Variants in ROCK2 observed in about 807,000 individuals in gnomAD.
The protein encoded by ROCK2 is rho-associated protein kinase 2.
Under a neutral mutation model 195.1 loss-of-function variants are expected in ROCK2, and 61 were observed. That is an observed-to-expected ratio of 0.31 (90% confidence interval 0.25 to 0.39). ROCK2 has a LOEUF of 0.39. Among genes scored for constraint, ROCK2 ranks in the 10% least tolerant of loss-of-function variants. The pLI, the probability that ROCK2 is intolerant of heterozygous loss-of-function variation, is 1.00. For missense variants in ROCK2, 1,109 were observed against 1,637.4 expected, an observed-to-expected ratio of 0.68 and a Z score of 5.57; for synonymous variants, 504 against 545.5, an observed-to-expected ratio of 0.92 and a Z score of 1.06.
chr2:11,276,833 T>C (rs902719656), intron 3 of ROCK2, among the ~76,000 whole-genome samples: 6 of 152,192 alleles, frequency 3.9e-5, no homozygotes, highest in African/African-American at 7.2e-5. Flanking sequence ...ACAGCAATGA[T>C]AGACGTAACA....
intron 20 of ROCK2, among the ~76,000 whole-genome samples, chr2:11,204,474 C>T (rs1490939237): frequency 1.3e-5 from 2 of 152,072 alleles, no homozygotes; most frequent in Admixed American, 1.3e-4. Flanking sequence ...AGACATTTCT[C>T]CTTCAGCTAG....
At chr2:11,251,994 T>C (rs1384456607) in intron 3 of ROCK2, among the ~76,000 whole-genome samples, 2 of 152,022 alleles carry the variant, frequency 1.3e-5, no homozygotes, top group East Asian at 3.9e-4. Context: ...ATGGCAATCA[T>C]TAAAAAGTCA....
At chr2:11,195,072 A>C in intron 27 of ROCK2, 47 bp from the exon 28 acceptor site, 1 of 1,007,728 alleles carries the variant, frequency 9.9e-7, no homozygotes, top group Non-Finnish European at 1.5e-6. Context: ...AATTCTCCTT[A>C]GATAACAAAG....
At chr2:11,272,789 G>A (rs1447930491) in intron 3 of ROCK2, among the ~76,000 whole-genome samples, 7 of 148,114 alleles carry the variant, frequency 4.7e-5, no homozygotes, top group African/African-American at 1.7e-4. Flanking sequence ...GAAATCACTT[G>A]AACACGGGAG....
intron 3 of ROCK2, among the ~76,000 whole-genome samples, chr2:11,279,651 G>A (rs1260001675): frequency 6.6e-6 from 1 of 152,200 alleles, no homozygotes; most frequent in Non-Finnish European, 1.5e-5. Context: ...TAAGAATATA[G>A]TGGAACTCAA....
intron 1 of ROCK2, among the ~76,000 whole-genome samples, chr2:11,297,731 T>C (rs1667580200): frequency 6.6e-6 from 1 of 152,202 alleles, no homozygotes; most frequent in Non-Finnish European, 1.5e-5. Flanking sequence ...GCTAAGTATT[T>C]TACCTTTTTG....
At chr2:11,247,636 C>G (rs1419754001) in intron 4 of ROCK2, among the ~76,000 whole-genome samples, 1 of 152,094 alleles carries the variant, frequency 6.6e-6, no homozygotes, top group African/African-American at 2.4e-5. Flanking sequence ...ATGAAATAAC[C>G]AGAAATGGCA....
At chr2:11,232,310 G>A (rs960559942) in intron 5 of ROCK2, among the ~76,000 whole-genome samples, 2 of 152,006 alleles carry the variant, frequency 1.3e-5, no homozygotes, top group African/African-American at 2.4e-5. Context: ...TCTGTTTTTA[G>A]TAGAAACGGG....
chr2:11,184,804 ACT>A (rs1663132167), intron 32 of ROCK2: 1 of 962,438 alleles, frequency 1.0e-6, no homozygotes. Context: ...ATACTCTAAC[ACT>A]CTTTAGAAAC....
intron 5 of ROCK2, among the ~76,000 whole-genome samples, chr2:11,231,483 C>T (rs1050160679): frequency 6.6e-6 from 1 of 152,170 alleles, no homozygotes; most frequent in East Asian, 1.9e-4. Context: ...GCTGGGGTTA[C>T]AGGCATGAGC....
intron 3 of ROCK2, among the ~76,000 whole-genome samples, chr2:11,271,696 T>C (rs956168959): frequency 1.3e-5 from 2 of 152,202 alleles, no homozygotes; most frequent in Non-Finnish European, 2.9e-5. Flanking sequence ...TATGGTGCTC[T>C]GGGAACTTGA....
At chr2:11,328,616 T>G (rs911614834) in intron 1 of ROCK2, among the ~76,000 whole-genome samples, 1 of 152,156 alleles carries the variant, frequency 6.6e-6, no homozygotes, top group African/African-American at 2.4e-5. Flanking sequence ...TACTCTCTCT[T>G]TTAAAAATAC....
intron 1 of ROCK2, among the ~76,000 whole-genome samples, chr2:11,306,898 TA>T (rs1558379041): frequency 6.6e-6 from 1 of 152,050 alleles, no homozygotes; most frequent in African/African-American, 2.4e-5. Flanking sequence ...AGAGAGGAAT[TA>T]ACTATAGCAG....
At chr2:11,204,687 T>C (rs1663987919) in intron 20 of ROCK2, among the ~76,000 whole-genome samples, 2 of 152,208 alleles carry the variant, frequency 1.3e-5, no homozygotes, top group Non-Finnish European at 2.9e-5. Flanking sequence ...CAAATTTATA[T>C]TGGCAGTAAT....
intron 12 of ROCK2, 126 bp downstream of exon 12, chr2:11,216,964 C>T (rs1266573489): frequency 1.8e-5 from 9 of 506,050 alleles, no homozygotes; most frequent in Non-Finnish European, 3.2e-5. Context: ...CCTCGTGATC[C>T]ACCCACCTCG....
chr2:11,249,635 A>G, intron 4 of ROCK2, 26 bp downstream of exon 4: 1 of 1,434,462 alleles, frequency 7.0e-7, no homozygotes. Flanking sequence ...AAAAGGAAAT[A>G]AACTTATAAA....
chr2:11,224,170 G>A (rs1664733583), intron 7 of ROCK2, 152 bp downstream of exon 7: 1 of 692,336 alleles, frequency 1.4e-6, no homozygotes, highest in African/African-American at 1.8e-5. Flanking sequence ...CCCAACACCA[G>A]GCTTAGCAGA....
intron 1 of ROCK2, among the ~76,000 whole-genome samples, chr2:11,302,158 T>C (rs1667726859): frequency 6.6e-6 from 1 of 152,158 alleles, no homozygotes. Flanking sequence ...GGTTTCAGAT[T>C]CACATTATTT....
At chr2:11,194,367 A>C (rs1324094628) in intron 28 of ROCK2, 23 bp from the exon 29 acceptor site, 4 of 1,060,700 alleles carry the variant, frequency 3.8e-6, no homozygotes, top group African/African-American at 3.2e-5. Flanking sequence ...GGAGAAAAGA[A>C]ATCAGTAATT....
Sources: gnomAD v4.1 joint callset for allele counts (sites outside exome capture counted in the v4.1 genomes callset) on GRCh38, gnomAD v4.1.1 for gene constraint, MANE v1.5 for transcripts, NCBI Gene and HGNC (gene_info 2026-07-23, HGNC 2026-07-21) for gene names.